Variants in AUTS2 observed in about 807,000 individuals in gnomAD.
AUTS2 encodes the protein activator of transcription and developmental regulator AUTS2.
In AUTS2, 17 loss-of-function variants were observed where a neutral mutation model predicts 112.4. That is an observed-to-expected ratio of 0.15 (90% confidence interval 0.10 to 0.23). The LOEUF (loss-of-function observed/expected upper bound fraction) is 0.23, where lower values mean the gene tolerates loss of function less well. AUTS2 is among the 10% of genes least tolerant of loss of function. The pLI, the probability that AUTS2 is intolerant of heterozygous loss-of-function variation, is 1.00. For synonymous variants in AUTS2, 751 were observed against 702.7 expected, an observed-to-expected ratio of 1.07 and a Z score of -1.09; for missense variants, 1,510 against 1,701.6, an observed-to-expected ratio of 0.89 and a Z score of 1.98.
intron 2 of AUTS2, among the ~76,000 whole-genome samples, chr7:70,010,416 G>A (rs937574161): frequency 1.3e-5 from 2 of 152,118 alleles, no homozygotes; most frequent in African/African-American, 2.4e-5. Context: ...AAAGTGCTGG[G>A]ATTGTCAGCA....
intron 2 of AUTS2, among the ~76,000 whole-genome samples, chr7:69,926,471 C>A (rs1400068258): frequency 1.3e-5 from 2 of 151,828 alleles, no homozygotes; most frequent in Non-Finnish European, 2.9e-5. Context: ...ATCTATCTAT[C>A]TATCTATCTA....
At chr7:69,914,392 C>CACAA (rs1554403943) in intron 2 of AUTS2, among the ~76,000 whole-genome samples, 3 of 150,880 alleles carry the variant, frequency 2.0e-5, no homozygotes, top group African/African-American at 7.3e-5. Flanking sequence ...CACACACACA[C>CACAA]ACAAACAATC....
chr7:69,923,374 T>C (rs1795888711), intron 2 of AUTS2, among the ~76,000 whole-genome samples: 1 of 152,202 alleles, frequency 6.6e-6, no homozygotes, highest in South Asian at 2.1e-4. Flanking sequence ...TATACTGTCT[T>C]TATTACTGTA....
At chr7:70,620,892 GA>G (rs746963615) in intron 5 of AUTS2, among the ~76,000 whole-genome samples, 10 of 152,212 alleles carry the variant, frequency 6.6e-5, no homozygotes, top group Non-Finnish European at 8.8e-5. Flanking sequence ...CGTTTTGGAG[GA>G]GGGTTGCCAA....
At position 70,553,934 on chromosome 7, in the gene AUTS2, A is replaced by AT. The variant is rs370170345; in HGVS notation, c.690+118162dup. ...AGGCACGCGCCACCACACCCAACTCATTTTTTTTTGTATTTTTAGTAGAGA... is the reference window on the plus strand; with the variant it reads ...AGGCACGCGCCACCACACCCAACTCATTTTTTTTTTGTATTTTTAGTAGAGA... On this transcript the variant is annotated intron_variant, in intron 5 of 18. Coordinates refer to ENST00000342771, the MANE Select transcript of AUTS2 (RefSeq NM_015570.4). 4.3e-3 allele frequency among the ~76,000 whole-genome samples: 636 copies of AT among 146,502 alleles called. 3 individuals carry two copies. Among genetic ancestry groups the AT allele is most frequent in the Middle Eastern group, 0.018 (5 of 278 alleles).
rs564826271 is a variant in AUTS2, at chr7:70,346,042, G to A, written c.661-89710G>A. Among the ~76,000 whole-genome samples the A allele has an allele frequency of 5.3e-5, 8 of 152,026 alleles. No individual in the cohort carries two copies. In the South Asian group the frequency reaches 1.5e-3, roughly 28 times the overall value. The stretch of plus-strand genomic sequence containing the variant: ...ATCACTTTTCTTCTTATCCAGGTAC[G>A]TGCCAGTGTGCTTCATCTCTCATGC... On this transcript the variant is annotated intron_variant, in intron 4 of 18. Coordinates refer to ENST00000342771, the MANE Select transcript of AUTS2 (RefSeq NM_015570.4).
intron 5 of AUTS2, among the ~76,000 whole-genome samples, chr7:70,541,028 T>G (rs1386492102): frequency 6.6e-6 from 1 of 152,184 alleles, no homozygotes; most frequent in East Asian, 1.9e-4. Context: ...TCTGTTGCTT[T>G]TTCCCACTGG....
intron 4 of AUTS2, among the ~76,000 whole-genome samples, chr7:70,358,704 A>G (rs547484663): frequency 6.6e-6 from 1 of 152,326 alleles, no homozygotes; most frequent in South Asian, 2.1e-4. Context: ...GACTTCATGG[A>G]TTCTTGCCCC....
intron 2 of AUTS2, among the ~76,000 whole-genome samples, chr7:69,980,614 C>T (rs1285764428): frequency 6.6e-6 from 1 of 152,060 alleles, no homozygotes; most frequent in Non-Finnish European, 1.5e-5. Context: ...AAAGTGTACG[C>T]TTACATTGTA....
chr7:69,843,467 A>T (rs1464976803), intron 1 of AUTS2, among the ~76,000 whole-genome samples: 3 of 152,204 alleles, frequency 2.0e-5, no homozygotes, highest in African/African-American at 4.8e-5. Context: ...CCATGAGGAC[A>T]GGAGACATGT....
intron 2 of AUTS2, among the ~76,000 whole-genome samples, chr7:70,066,194 A>G (rs1348692048): frequency 6.6e-6 from 1 of 152,174 alleles, no homozygotes; most frequent in Non-Finnish European, 1.5e-5. Flanking sequence ...ATAAATTTTT[A>G]TTTTCAAAGC....
At chr7:70,728,464 T>G (rs1006722370) in intron 6 of AUTS2, among the ~76,000 whole-genome samples, 4 of 151,848 alleles carry the variant, frequency 2.6e-5, no homozygotes, top group Non-Finnish European at 5.9e-5. Flanking sequence ...ATCTCAGCAT[T>G]TTGGGAGGCC....
At chr7:70,165,354 G>A (rs1408854223) in intron 4 of AUTS2, among the ~76,000 whole-genome samples, 1 of 152,076 alleles carries the variant, frequency 6.6e-6, no homozygotes. Context: ...GCATACCTAC[G>A]TACACTGAAG....
intron 1 of AUTS2, among the ~76,000 whole-genome samples, chr7:69,780,002 TATGCCACC>T (rs1789079254): frequency 6.6e-6 from 1 of 151,940 alleles, no homozygotes; most frequent in South Asian, 2.1e-4. Flanking sequence ...ACTACAGGTG[TATGCCACC>T]ATGCCCAACT....
chr7:69,744,108 C>T (rs1172037508), intron 1 of AUTS2, among the ~76,000 whole-genome samples: 1 of 152,046 alleles, frequency 6.6e-6, no homozygotes, highest in Non-Finnish European at 1.5e-5. Context: ...CGTAATTATT[C>T]TGAGGTTCAT....
At chr7:70,716,982 C>T (rs1810409245) in intron 6 of AUTS2, among the ~76,000 whole-genome samples, 1 of 143,858 alleles carries the variant, frequency 7.0e-6, no homozygotes, top group African/African-American at 2.6e-5. Flanking sequence ...GGCTGGAAAT[C>T]TCAGTGGAGT....
At chr7:70,481,047 A>G (rs1295519545) in intron 5 of AUTS2, among the ~76,000 whole-genome samples, 3 of 152,352 alleles carry the variant, frequency 2.0e-5, no homozygotes, top group East Asian at 1.9e-4. Context: ...GTTGAAAAAC[A>G]CTGTGAGAGG....
chr7:69,894,461 C>A (rs908829892), intron 1 of AUTS2, among the ~76,000 whole-genome samples: 2 of 151,956 alleles, frequency 1.3e-5, no homozygotes, highest in African/African-American at 4.8e-5. Context: ...GGAGCCCCCA[C>A]AGGAAAGTGA....
At chr7:70,571,922 G>A (rs1012216112) in intron 5 of AUTS2, among the ~76,000 whole-genome samples, 2 of 152,182 alleles carry the variant, frequency 1.3e-5, no homozygotes, top group Non-Finnish European at 2.9e-5. Flanking sequence ...GATCCAGTCC[G>A]GTGCAGAGCA....
Sources: gnomAD v4.1 joint callset for allele counts (sites outside exome capture counted in the v4.1 genomes callset) on GRCh38, gnomAD v4.1.1 for gene constraint, MANE v1.5 for transcripts, NCBI Gene and HGNC (gene_info 2026-07-23, HGNC 2026-07-21) for gene names.